The following HCLS1 variants were observed in gnomAD, a reference collection of about 807,000 sequenced individuals.
The protein encoded by HCLS1 is hematopoietic cell-specific Lyn substrate 1.
In HCLS1, 44 loss-of-function variants were observed where a neutral mutation model predicts 68.6. That is an observed-to-expected ratio of 0.64 (90% CI 0.50 to 0.82). HCLS1 has a LOEUF of 0.82. HCLS1 is among the 40% of genes least tolerant of loss of function. The pLI, the probability that HCLS1 is intolerant of heterozygous loss-of-function variation, is 0.00. For synonymous variants in HCLS1, 217 were observed against 225.8 expected, an observed-to-expected ratio of 0.96 and a Z score of 0.35; for missense variants, 602 against 612.1, an observed-to-expected ratio of 0.98 and a Z score of 0.17.
Position 121,631,778 on chromosome 3 carries a change from G to A in HCLS1, c.*68C>T. 3.9e-6 allele frequency: 6 copies of A among 1,545,380 alleles called. 1 individual carries two copies. The highest frequency in any genetic ancestry group is 2.3e-5 in the South Asian group (2 of 87,486). ...TGGTTAGACATTTGCAGCAGGAATA[G>A]GGAGGGGGTGGAGGCAGAGCCACTT... On this transcript the variant is annotated 3_prime_UTR_variant, in exon 14 of 14. Transcript: ENST00000314583.
intron 1 of HCLS1, among the ~76,000 whole-genome samples, chr3:121,658,827 TC>T (rs564666342): frequency 4.6e-5 from 7 of 152,326 alleles, no homozygotes; most frequent in African/African-American, 1.7e-4. Context: ...TCTACATCCC[TC>T]TTTACAACCT....
Position 121,632,123 on chromosome 3 carries a change from C to A in HCLS1, c.1302G>T (p.Val434=), listed in dbSNP as rs41271409. 7.4e-3 allele frequency: 12,015 copies of A among 1,613,756 alleles called. 73 individuals are homozygous for A. Among genetic ancestry groups the A allele is most frequent in the Non-Finnish European group, 9.0e-3 (10,571 of 1,179,812 alleles). ...AGAVALGISA[V]AVYDYQGEGS... ...TACCTCCTTGGTAATCATATACAGC[C>A]ACAGCTGAGATCCCCAGAGCCACAG... is the stretch of plus-strand genomic sequence containing the variant. The change falls in exon 13 of 14, where the codon GTG becomes GTT. Residue 434 remains valine, a synonymous_variant. Transcript: ENST00000314583.
chr3:121,634,019 G>A (rs2049125502), intron 10 of HCLS1, among the ~76,000 whole-genome samples, 188 bp downstream of exon 10: 1 of 152,166 alleles, frequency 6.6e-6, no homozygotes, highest in African/African-American at 2.4e-5. Flanking sequence ...AAATCTTGAG[G>A]GTTTTTTCTA....
intron 11 of HCLS1, 44 bp downstream of exon 11, chr3:121,633,023 G>A (rs116691276): frequency 8.1e-6 from 11 of 1,363,706 alleles, no homozygotes; most frequent in Middle Eastern, 1.8e-4. Context: ...CCTAAGACTC[G>A]AGAAGATGGG....
chr3:121,657,549 C>G (rs1278374608), intron 2 of HCLS1, among the ~76,000 whole-genome samples, 197 bp from the exon 3 acceptor site: 1 of 152,166 alleles, frequency 6.6e-6, no homozygotes, highest in East Asian at 1.9e-4. Context: ...GGCGTGGTGG[C>G]TTATGCCTGT....
At chr3:121,647,551 G>T (rs1397556277) in intron 3 of HCLS1, 103 bp from the exon 4 acceptor site, 8 of 1,224,278 alleles carry the variant, frequency 6.5e-6, no homozygotes, top group Non-Finnish European at 8.1e-6. Flanking sequence ...TTTACTTTCA[G>T]TAATAACCTG....
chr3:121,634,404 G>T lies in HCLS1; in HGVS notation c.706C>A (p.Arg236Ser). The T allele has an allele frequency of 6.2e-7, 1 of 1,613,960 alleles. No individual in the cohort carries two copies. The highest frequency in any genetic ancestry group is 8.5e-7 in the Non-Finnish European group (1 of 1,179,920). Residue 236 changes from arginine to serine, a missense_variant, in exon 10 of 14, where the codon CGT becomes AGT. Transcript: ENST00000314583. ...GACTCAAATTTCGCCTTCAGCCCACGGGTACCACTAGAAGCTGCAGACACA... is the reference window on the plus strand; with the variant it reads ...GACTCAAATTTCGCCTTCAGCCCACTGGTACCACTAGAAGCTGCAGACACA... ...TPIEAASSGT[R>S]GLKAKFESMA...
intron 3 of HCLS1, among the ~76,000 whole-genome samples, chr3:121,650,232 A>G (rs557088196): frequency 6.6e-6 from 1 of 152,342 alleles, no homozygotes; most frequent in Admixed American, 6.5e-5. Context: ...TATCATTAAG[A>G]TGTCAGTTCT....
chr3:121,631,747 C>T lies in HCLS1; in HGVS notation c.*99G>A, dbSNP rs2049099390. The T allele has an allele frequency of 1.5e-6, 2 of 1,349,934 alleles. No individual in the cohort carries two copies. Among genetic ancestry groups the T allele is most frequent in the African/African-American group, 2.9e-5 (2 of 69,080 alleles). 83.6% of individuals were successfully genotyped at this position (1,349,934 alleles called of 1,614,324 possible). A position where few individuals can be genotyped will look rare whatever the true frequency, so the allele number is the denominator to read the frequency against. On this transcript the variant is annotated 3_prime_UTR_variant, in exon 14 of 14. Coordinates refer to ENST00000314583, the MANE Select transcript of HCLS1 (RefSeq NM_005335.6). ...CAGGAGAGGGAAGTCTGTCCAGAAC[C>T]TCATCTGGTTAGACATTTGCAGCAG...
chr3:121,636,466 GGCCACCAA>G lies in HCLS1; in HGVS notation c.581_588del (p.Phe194SerfsTer11). Reference sequence around the variant, plus strand: ...ACTCGGTCCTTCTGGATTCCATACTGGCCACCAAAGCCCTTGGCATAATCTGCAGGACA... The same window carrying G: ...ACTCGGTCCTTCTGGATTCCATACTGAGCCCTTGGCATAATCTGCAGGACA... On this transcript the variant is annotated frameshift_variant, in exon 8 of 14. Coordinates refer to ENST00000314583, the MANE Select transcript of HCLS1 (RefSeq NM_005335.6). LOFTEE classifies it high-confidence loss of function. The G allele has an allele frequency of 6.2e-7, 1 of 1,613,702 alleles. No homozygotes were observed. The highest frequency in any genetic ancestry group is 8.5e-7 in the Non-Finnish European group (1 of 1,179,644).
At chr3:121,632,254 G>A in intron 12 of HCLS1, 70 bp from the exon 13 acceptor site, 2 of 1,600,994 alleles carry the variant, frequency 1.2e-6, no homozygotes, top group South Asian at 2.2e-5. Flanking sequence ...ATCCTACTGG[G>A]GCAATAGAGA....
In HCLS1 at chr3:121,639,025, G is replaced by GCA. The variant is rs368121558; in HGVS notation, c.455-1771_455-1770dup. 7.3e-3 allele frequency among the ~76,000 whole-genome samples: 1,002 copies of GCA among 137,210 alleles called. 4 individuals are homozygous for GCA. The highest frequency in any genetic ancestry group is 0.016 in the African/African-American group (586 of 36,740). 90.0% of individuals were successfully genotyped at this position (137,210 alleles called of 152,430 possible). On this transcript the variant is annotated intron_variant, in intron 6 of 13. Transcript: ENST00000314583. ...GCAAGACTCCAACACACACACACAC[G>GCA]CACACACACACACACACACACACAC...
intron 9 of HCLS1, 97 bp from the exon 10 acceptor site, chr3:121,634,515 G>T: frequency 2.7e-6 from 3 of 1,131,810 alleles, no homozygotes; most frequent in Non-Finnish European, 3.9e-6. Context: ...TTAAATATCC[G>T]GGAGGAGGGA....
chr3:121,645,084 C>T (rs542552753), intron 4 of HCLS1, among the ~76,000 whole-genome samples, 156 bp from the exon 5 acceptor site: 1 of 152,252 alleles, frequency 6.6e-6, no homozygotes, highest in East Asian at 1.9e-4. Flanking sequence ...GATGGGAGAG[C>T]AAGATGACTT....
intron 3 of HCLS1, chr3:121,653,990 T>C (rs1420393265): frequency 6.6e-6 from 1 of 152,246 alleles, no homozygotes; most frequent in Non-Finnish European, 1.5e-5. Context: ...TCTTTTTCTT[T>C]TTTAGAAATG....
At chr3:121,646,364 T>TTATA (rs1937604389) in intron 4 of HCLS1, among the ~76,000 whole-genome samples, 1 of 98,892 alleles carries the variant, frequency 1.0e-5, no homozygotes, top group Non-Finnish European at 1.8e-5. Flanking sequence ...TTACATTATA[T>TTATA]TACATATTAT....
Position 121,632,671 on chromosome 3 carries a change from C to T in HCLS1, c.1009-108G>A, listed in dbSNP as rs775699825. On this transcript the variant is annotated intron_variant, in intron 11 of 13. Transcript: ENST00000314583. ...ACCACCCTGCCTCTTCTCCCCTCTA[C>T]CCTTGCCTCCATCTAACAGCCTCTC... 409 of 913,790 alleles carry T rather than the reference C, an allele frequency of 4.5e-4. 1 individual carries two copies. Among genetic ancestry groups the T allele is most frequent in the Admixed American group, 1.2e-3 (49 of 40,340 alleles). 56.6% of individuals were successfully genotyped at this position (913,790 alleles called of 1,614,324 possible). A position where few individuals can be genotyped will look rare whatever the true frequency, so the allele number is the denominator to read the frequency against.
At chr3:121,659,195 G>A (rs1473622932) in intron 1 of HCLS1, among the ~76,000 whole-genome samples, 1 of 152,156 alleles carries the variant, frequency 6.6e-6, no homozygotes, top group East Asian at 1.9e-4. Context: ...CCCTAGCTTG[G>A]AAGGGTGCCA....
intron 1 of HCLS1, among the ~76,000 whole-genome samples, chr3:121,658,850 C>A (rs1009135765): frequency 1.3e-5 from 2 of 152,214 alleles, no homozygotes; most frequent in African/African-American, 4.8e-5. Context: ...CTGAACTACA[C>A]TGAGAATTTT....
Sources: allele counts gnomAD v4.1 joint callset (sites outside exome capture counted in the v4.1 genomes callset), GRCh38; gene constraint gnomAD v4.1.1; transcripts MANE v1.5; gene names NCBI Gene and HGNC (gene_info 2026-07-23, HGNC 2026-07-21).